The following CHMP2B variants were observed in gnomAD, a reference collection of about 807,000 sequenced individuals.
The protein encoded by CHMP2B is VPS2 homolog B.
In CHMP2B, 22 loss-of-function variants were observed where a neutral mutation model predicts 29.8. The ratio of observed to expected loss-of-function variants is 0.74; its 90% CI spans 0.53 to 1.05. CHMP2B has a LOEUF of 1.05. Ranked by LOEUF, CHMP2B falls within the 50% of genes least tolerant of loss-of-function variation. CHMP2B has a pLI of 0.00. For missense variants in CHMP2B, 261 were observed against 252.2 expected (o/e 1.03, Z -0.24); for synonymous variants, 78 against 75.8 (o/e 1.03, Z -0.15).
Position 87,251,652 on chromosome 3 carries a change from A to G in CHMP2B, c.424+1675A>G, listed in dbSNP as rs575597461. Among the ~76,000 whole-genome samples, 5 of 152,114 alleles carry G rather than the reference A, an allele frequency of 3.3e-5. No homozygotes were observed. In the South Asian group the frequency reaches 8.3e-4, roughly 25 times the overall value. On this transcript the variant is annotated intron_variant, in intron 4 of 5. Transcript: ENST00000263780. ...ATCCAAAAATAAATTCAAGGTGTAA[A>G]TCAGCATATCTTTTTCAACTTGGAA... is the stretch of plus-strand genomic sequence containing the variant.
chr3:87,252,534 C>T (rs765552782), intron 4 of CHMP2B, among the ~76,000 whole-genome samples: 1 of 151,824 alleles, frequency 6.6e-6, no homozygotes, highest in Non-Finnish European at 1.5e-5. Context: ...CGTATCCTTG[C>T]CAGATTACTT....
At chr3:87,234,365 C>T (rs894718384) in intron 1 of CHMP2B, among the ~76,000 whole-genome samples, 1 of 152,054 alleles carries the variant, frequency 6.6e-6, no homozygotes. Context: ...GGCAGAAACA[C>T]CTTGTGTCTC....
chr3:87,253,497 A>C lies in CHMP2B; in HGVS notation c.518A>C (p.Glu173Ala), dbSNP rs1706351031. The C allele has an allele frequency of 6.2e-7, 1 of 1,601,172 alleles. No individual in the cohort carries two copies. Among genetic ancestry groups the C allele is most frequent in the African/African-American group, 1.3e-5 (1 of 74,600 alleles). The change falls in exon 5 of 6, where the codon GAA (glutamate) becomes GCA (alanine). Residue 173 changes from glutamate (E) to alanine (A), a missense_variant. Coordinates refer to ENST00000263780, the MANE Select transcript of CHMP2B (RefSeq NM_014043.4). ...VNQVLDEIGI[E>A]ISGKMAKAPS... ...CAAGTTCTTGATGAAATTGGAATTG[A>C]AATTTCTGGAAAGGTATGAACATCA...
chr3:87,240,633 A>C, intron 1 of CHMP2B, 66 bp from the exon 2 acceptor site: 1 of 1,073,230 alleles, frequency 9.3e-7, no homozygotes, highest in Non-Finnish European at 1.5e-6. Context: ...CTGTGAATCC[A>C]GTATTTTAAA....
chr3:87,235,194 G>A (rs983751611), intron 1 of CHMP2B, among the ~76,000 whole-genome samples: 1 of 152,082 alleles, frequency 6.6e-6, no homozygotes, highest in Non-Finnish European at 1.5e-5. Context: ...TACCTACTAA[G>A]AAATAAATCT....
chr3:87,228,609 CAAAG>C (rs1357032093), intron 1 of CHMP2B, among the ~76,000 whole-genome samples: 1 of 152,190 alleles, frequency 6.6e-6, no homozygotes, highest in Non-Finnish European at 1.5e-5. Flanking sequence ...GGGAGGATAA[CAAAG>C]AAGTCATCTC....
At chr3:87,245,666 G>T in intron 2 of CHMP2B, 48 bp from the exon 3 acceptor site, 2 of 1,466,752 alleles carry the variant, frequency 1.4e-6, no homozygotes, top group South Asian at 2.3e-5. Flanking sequence ...AATTATTGAC[G>T]ACTACCCTTT....
rs1240418980 is a variant in CHMP2B at position 87,254,714 on chromosome 3, CAA to C, written c.*893_*894del. 6.6e-6 allele frequency: 1 copy of C among 151,306 alleles called. No individual in the cohort carries two copies. Among genetic ancestry groups the C allele is most frequent in the African/African-American group, 2.4e-5 (1 of 41,266 alleles). 9.4% of individuals were successfully genotyped at this position (151,306 alleles called of 1,614,324 possible). On this transcript the variant is annotated 3_prime_UTR_variant, in exon 6 of 6. Coordinates refer to ENST00000263780, the MANE Select transcript of CHMP2B (RefSeq NM_014043.4). Reference sequence around the variant, plus strand: ...TAAATAACACTTTATAGTAAGAAAACAATATATTTTGGCCATCTAAAAATGAG... The same window carrying C: ...TAAATAACACTTTATAGTAAGAAAACTATATTTTGGCCATCTAAAAATGAG...
chr3:87,237,135 AAG>A (rs763366747), intron 1 of CHMP2B, among the ~76,000 whole-genome samples: 28 of 152,114 alleles, frequency 1.8e-4, no homozygotes, highest in Non-Finnish European at 3.4e-4. Context: ...ATTCCTTTGA[AAG>A]ACAGGGAAAT....
In CHMP2B at chr3:87,227,400, C is replaced by A; in HGVS notation, c.-123C>A. On this transcript the variant is annotated 5_prime_UTR_variant, in exon 1 of 6. Coordinates refer to ENST00000263780, the MANE Select transcript of CHMP2B (RefSeq NM_014043.4). The stretch of plus-strand genomic sequence containing the variant: ...GGGTCCTGCCTGGCGACCCCGACCT[C>A]CTCCTGCTGTCTCTCCGCTCCGCCA... 1 of 1,126,234 alleles carries A rather than the reference C, an allele frequency of 8.9e-7. No individual in the cohort carries two copies. The highest frequency in any genetic ancestry group is 1.3e-6 in the Non-Finnish European group (1 of 743,510). The allele number at this position is 1,126,234 out of a possible 1,614,324, so 69.8% of individuals were successfully genotyped here.
intron 4 of CHMP2B, among the ~76,000 whole-genome samples, chr3:87,250,568 A>G (rs1706296985): frequency 6.6e-6 from 1 of 151,926 alleles, no homozygotes. Context: ...AATTATGAAT[A>G]TCTTGCTTTT....
intron 3 of CHMP2B, among the ~76,000 whole-genome samples, chr3:87,248,143 C>G (rs1706249816): frequency 6.6e-6 from 1 of 151,660 alleles, no homozygotes; most frequent in South Asian, 2.1e-4. Flanking sequence ...ACTAAAAATA[C>G]AAAAATTAGC....
At chr3:87,242,036 A>G (rs549449055) in intron 2 of CHMP2B, among the ~76,000 whole-genome samples, 1 of 152,158 alleles carries the variant, frequency 6.6e-6, no homozygotes, top group Non-Finnish European at 1.5e-5. Context: ...TTTCATTTTC[A>G]TAATCACTAA....
Position 87,248,868 on chromosome 3 carries a change from G to A in CHMP2B, c.322-1007G>A, listed in dbSNP as rs192676044. On this transcript the variant is annotated intron_variant, in intron 3 of 5. Coordinates refer to ENST00000263780, the MANE Select transcript of CHMP2B (RefSeq NM_014043.4). ...TGCTTCATATCTTTGAAATCAACAT[G>A]TTTCTATTGTATGGATTCTTTTAAT... Among the ~76,000 whole-genome samples, 372 of 152,092 alleles carry A rather than the reference G, an allele frequency of 2.4e-3. 1 individual carries two copies. The highest frequency in any genetic ancestry group is 3.4e-3 in the Non-Finnish European group (232 of 67,974).
intron 3 of CHMP2B, among the ~76,000 whole-genome samples, chr3:87,246,494 A>G (rs1706216519): frequency 6.6e-6 from 1 of 152,132 alleles, no homozygotes; most frequent in Non-Finnish European, 1.5e-5. Context: ...ATTGACTTTT[A>G]AAAGTATTTG....
intron 2 of CHMP2B, among the ~76,000 whole-genome samples, chr3:87,244,547 T>C (rs1706179043): frequency 6.6e-6 from 1 of 152,150 alleles, no homozygotes; most frequent in South Asian, 2.1e-4. Flanking sequence ...AAGTTCAAAA[T>C]ATTATTTTCT....
chr3:87,251,872 TTACTTA>T (rs1334656241), intron 4 of CHMP2B, among the ~76,000 whole-genome samples: 12 of 151,948 alleles, frequency 7.9e-5, no homozygotes, highest in East Asian at 1.9e-4. Context: ...AACTACTACT[TTACTTA>T]TACTTATAAA....
At chr3:87,245,223 G>T (rs527394773) in intron 2 of CHMP2B, among the ~76,000 whole-genome samples, 6 of 152,086 alleles carry the variant, frequency 3.9e-5, no homozygotes, top group African/African-American at 1.4e-4. Flanking sequence ...ATAAGTTGGT[G>T]TCTTGAGATA....
intron 4 of CHMP2B, among the ~76,000 whole-genome samples, chr3:87,250,768 G>A (rs893930825): frequency 1.3e-5 from 2 of 151,754 alleles, no homozygotes; most frequent in Non-Finnish European, 3.0e-5. Context: ...TGAAAAATAT[G>A]TGTAAGTATT....
Sources: allele counts gnomAD v4.1 joint callset (sites outside exome capture counted in the v4.1 genomes callset), GRCh38; gene constraint gnomAD v4.1.1; transcripts MANE v1.5; gene names NCBI Gene and HGNC (gene_info 2026-07-23, HGNC 2026-07-21).